Variants in SLC9A7 observed in about 807,000 individuals in gnomAD.
The protein encoded by SLC9A7 is solute carrier family 9 member A7, also known as sodium/hydrogen exchanger 7.
SLC9A7 carries 19 observed loss-of-function variants against 52.6 expected under a neutral mutation model. The observed-to-expected ratio is 0.36, with a 90% confidence interval of 0.25 to 0.53. The LOEUF (loss-of-function observed/expected upper bound fraction) is 0.53, where lower values mean the gene tolerates loss of function less well. Ranked by LOEUF, SLC9A7 falls within the 20% of genes least tolerant of loss-of-function variation. The pLI is 0.91. For synonymous variants in SLC9A7, 226 were observed against 252.1 expected (o/e 0.90, Z 0.98); for missense variants, 455 against 597.9 (o/e 0.76, Z 2.49).
chrX:46,691,609 CT>C (rs1944382093), intron 1 of SLC9A7, among the ~76,000 whole-genome samples: 1 of 112,160 alleles, frequency 8.9e-6, no homozygotes, highest in Admixed American at 9.5e-5. Context: ...ACAAATGCTG[CT>C]TTTTATGAGC....
rs1187251304 is a variant in SLC9A7, at chrX:46,602,615, C to T, written c.*4337G>A. ...CTAATTCACAGCCAGGGTTGAGAAC[C>T]TCTGCTCTAGAACATCGGACTCGGC... On this transcript the variant is annotated 3_prime_UTR_variant, in exon 17 of 17. Transcript: ENST00000616978. The T allele has an allele frequency of 8.9e-6, 1 of 112,540 alleles. No homozygotes were observed. The highest frequency in any genetic ancestry group is 9.4e-5 in the Admixed American group (1 of 10,635). The allele number at this position is 112,540 out of a possible 1,213,427, so 9.3% of individuals were successfully genotyped here. A position where few individuals can be genotyped will look rare whatever the true frequency, so the allele number is the denominator to read the frequency against.
intron 7 of SLC9A7, among the ~76,000 whole-genome samples, chrX:46,656,235 C>G (rs1261481254): frequency 9.0e-5 from 10 of 111,074 alleles, no homozygotes; most frequent in Non-Finnish European, 1.9e-4. Flanking sequence ...TCACCATCAT[C>G]AAAGACCAAA....
chrX:46,633,629 C>A (rs947432537), intron 13 of SLC9A7, among the ~76,000 whole-genome samples: 19 of 104,700 alleles, frequency 1.8e-4, no homozygotes, highest in Non-Finnish European at 3.9e-5. Context: ...TGGTGTGGAA[C>A]TGGGCAGCAA....
At chrX:46,757,369 A>G (rs1556293168) in intron 1 of SLC9A7, among the ~76,000 whole-genome samples, 1 of 112,406 alleles carries the variant, frequency 8.9e-6, no homozygotes, top group East Asian at 2.8e-4. Flanking sequence ...AGATCTGTGT[A>G]GGTCACTACT....
At position 46,758,965 on chromosome X, in the gene SLC9A7, A is replaced by C. The variant is rs1556295137; in HGVS notation, c.65T>G (p.Leu22Arg). 6 of 1,050,620 alleles carry C rather than the reference A, an allele frequency of 5.7e-6. No homozygotes were observed. The highest frequency in any genetic ancestry group is 7.3e-6 in the Non-Finnish European group (6 of 823,076). 86.6% of individuals were successfully genotyped at this position (1,050,620 alleles called of 1,213,427 possible). ...GRATGAPPPRLLLLPLLLGWG... is the reference protein window; with the variant it reads ...GRATGAPPPRRLLLPLLLGWG... ...ACCCAGCAGCAGCGGCAGCAGCAGCAGCCGCGGCGGCGGCGCCCCGGTAGC... is the reference window on the plus strand; with the variant it reads ...ACCCAGCAGCAGCGGCAGCAGCAGCCGCCGCGGCGGCGGCGCCCCGGTAGC... Residue 22 changes from leucine to arginine, a missense_variant, in exon 1 of 17, where the codon CTG becomes CGG. By Grantham distance (102) the Leu-to-Arg change is moderately radical. Transcript: ENST00000616978.
chrX:46,695,646 T>C (rs889538845), intron 1 of SLC9A7, among the ~76,000 whole-genome samples: 1 of 111,728 alleles, frequency 9.0e-6, no homozygotes, highest in Admixed American at 9.5e-5. Flanking sequence ...GCTTCCTCTT[T>C]TGTAAACATG....
At chrX:46,657,832 G>A (rs1299669857) in intron 7 of SLC9A7, among the ~76,000 whole-genome samples, 8 of 106,787 alleles carry the variant, frequency 7.5e-5, no homozygotes, top group East Asian at 2.9e-4. Flanking sequence ...AAGTCAACAA[G>A]GATACCCAGG....
chrX:46,690,855 A>G (rs1172584809), intron 1 of SLC9A7, among the ~76,000 whole-genome samples: 1 of 111,832 alleles, frequency 8.9e-6, no homozygotes, highest in Non-Finnish European at 1.9e-5. Flanking sequence ...CATTTGTTAA[A>G]AATACGGTCT....
chrX:46,717,528 C>T (rs1042165439), intron 1 of SLC9A7, among the ~76,000 whole-genome samples: 3 of 110,757 alleles, frequency 2.7e-5, no homozygotes, highest in Non-Finnish European at 5.7e-5. Flanking sequence ...TACACATGTG[C>T]GCCACTGTAC....
At chrX:46,614,644 A>G (rs1942914564) in intron 15 of SLC9A7, among the ~76,000 whole-genome samples, 1 of 111,884 alleles carries the variant, frequency 8.9e-6, no homozygotes, top group Non-Finnish European at 1.9e-5. Flanking sequence ...ATAAGCAGAG[A>G]GCTTATCTTG....
At chrX:46,729,346 T>C (rs922178471) in intron 1 of SLC9A7, among the ~76,000 whole-genome samples, 10 of 112,637 alleles carry the variant, frequency 8.9e-5, no homozygotes, top group African/African-American at 3.2e-4. Flanking sequence ...CTTTGTAGAA[T>C]TGTTTGGTGC....
At chrX:46,682,270 G>T (rs2146869792) in intron 2 of SLC9A7, 66 bp downstream of exon 2, 1 of 1,039,016 alleles carries the variant, frequency 9.6e-7, no homozygotes. Context: ...CTCTCCACAA[G>T]GTCAAGACAA....
In SLC9A7 at chrX:46,725,298, A is replaced by C. The variant is rs878862391; in HGVS notation, c.325+33407T>G. 3 of 1,147,409 alleles carry C rather than the reference A, an allele frequency of 2.6e-6. No homozygotes were observed. The South Asian group carries it at 5.4e-5, about 21-fold the overall frequency. 94.6% of individuals were successfully genotyped at this position (1,147,409 alleles called of 1,213,427 possible). A position where few individuals can be genotyped will look rare whatever the true frequency, so the allele number is the denominator to read the frequency against. On this transcript the variant is annotated intron_variant, in intron 1 of 16. Transcript: ENST00000616978. ...ATAAGAACTGTCTTCATCAGCCAGA[A>C]GCTCATCACCCAGTGCATCCAACTT...
At chrX:46,610,574 C>A (rs1359939445) in intron 16 of SLC9A7, among the ~76,000 whole-genome samples, 1 of 111,608 alleles carries the variant, frequency 9.0e-6, no homozygotes, top group Admixed American at 9.6e-5. Context: ...CAGCAGCAGG[C>A]CCCACCATGT....
At chrX:46,684,023 G>A (rs1198970362) in intron 1 of SLC9A7, among the ~76,000 whole-genome samples, 2 of 111,673 alleles carry the variant, frequency 1.8e-5, no homozygotes, top group Admixed American at 9.5e-5. Flanking sequence ...CTGCATCTGT[G>A]TTGTGTTATT....
chrX:46,711,954 T>C (rs938854071), intron 1 of SLC9A7, among the ~76,000 whole-genome samples: 2 of 103,597 alleles, frequency 1.9e-5, no homozygotes, highest in East Asian at 3.1e-4. Flanking sequence ...ACTGATATCC[T>C]ATTGGCCAAG....
intron 1 of SLC9A7, among the ~76,000 whole-genome samples, chrX:46,690,462 T>C (rs1944365810): frequency 8.9e-6 from 1 of 112,208 alleles, no homozygotes; most frequent in Admixed American, 9.5e-5. Flanking sequence ...TTATATATTC[T>C]GGGTTCCCTT....
At chrX:46,610,674 ACT>A (rs1422437237) in intron 16 of SLC9A7, among the ~76,000 whole-genome samples, 3 of 111,897 alleles carry the variant, frequency 2.7e-5, no homozygotes, top group African/African-American at 6.5e-5. Flanking sequence ...AGCCCAAGTC[ACT>A]CAGTCTTAGG....
intron 1 of SLC9A7, among the ~76,000 whole-genome samples, chrX:46,683,315 T>C (rs994287654): frequency 4.5e-5 from 5 of 111,264 alleles, no homozygotes; most frequent in African/African-American, 1.6e-4. Context: ...GAATTTCCAG[T>C]TGCTATAAAT....
Sources: allele counts gnomAD v4.1 joint callset (sites outside exome capture counted in the v4.1 genomes callset), GRCh38; gene constraint gnomAD v4.1.1; transcripts MANE v1.5; gene names NCBI Gene and HGNC (gene_info 2026-07-23, HGNC 2026-07-21).